The following UBE2G1 variants were observed in gnomAD, a reference collection of about 807,000 sequenced individuals.
The protein encoded by UBE2G1 is ubiquitin conjugating enzyme E2 G1.
UBE2G1 carries 5 observed loss-of-function variants against 22.7 expected under a neutral mutation model. The observed-to-expected ratio is 0.22, with a 90% CI of 0.12 to 0.46. UBE2G1 has a LOEUF of 0.46. UBE2G1 is among the 20% of genes least tolerant of loss of function. The probability of loss-of-function intolerance (pLI) is 0.99; values close to 1 mark genes in which losing one functional copy is unlikely to be tolerated. For synonymous variants in UBE2G1, 74 were observed against 67.5 expected, an observed-to-expected ratio of 1.10 and a Z score of -0.47; for missense variants, 88 against 203.9, an observed-to-expected ratio of 0.43 and a Z score of 3.46.
chr17:4,285,782 T>A (rs1968955987), intron 4 of UBE2G1, among the ~76,000 whole-genome samples: 1 of 151,882 alleles, frequency 6.6e-6, no homozygotes. Context: ...AAACCCCATC[T>A]CTACTAAAAA....
At chr17:4,348,691 A>G (rs1025219037) in intron 1 of UBE2G1, among the ~76,000 whole-genome samples, 14 of 144,750 alleles carry the variant, frequency 9.7e-5, no homozygotes, top group Admixed American at 9.6e-4. Flanking sequence ...GTGACACCCC[A>G]CCACTACTAA....
chr17:4,342,457 G>A (rs1969722363), intron 1 of UBE2G1, among the ~76,000 whole-genome samples: 1 of 152,228 alleles, frequency 6.6e-6, no homozygotes, highest in Admixed American at 6.5e-5. Flanking sequence ...GTCAGGCGCA[G>A]TGGTGCATGC....
chr17:4,312,557 G>T (rs1284772420), intron 1 of UBE2G1, among the ~76,000 whole-genome samples: 5 of 151,814 alleles, frequency 3.3e-5, no homozygotes, highest in African/African-American at 7.2e-5. Flanking sequence ...TTAGCCGGGC[G>T]TGGTGGCGGG....
At chr17:4,355,969 G>C (rs1368378758) in intron 1 of UBE2G1, among the ~76,000 whole-genome samples, 1 of 147,146 alleles carries the variant, frequency 6.8e-6, no homozygotes, top group African/African-American at 2.5e-5. Context: ...CAAAGTACTG[G>C]GATTACAGAC....
At chr17:4,331,316 A>G (rs747283264) in intron 1 of UBE2G1, among the ~76,000 whole-genome samples, 1 of 152,220 alleles carries the variant, frequency 6.6e-6, no homozygotes, top group Non-Finnish European at 1.5e-5. Flanking sequence ...CAGAAGCACT[A>G]ATTATAATTT....
At chr17:4,305,944 C>T (rs186473930) in intron 2 of UBE2G1, among the ~76,000 whole-genome samples, 13 of 152,320 alleles carry the variant, frequency 8.5e-5, no homozygotes, top group East Asian at 1.9e-4. Context: ...TAGAAATGTA[C>T]GACATGAAAT....
chr17:4,283,115 T>C (rs1968914009), intron 4 of UBE2G1, among the ~76,000 whole-genome samples, 194 bp from the exon 5 acceptor site: 1 of 152,188 alleles, frequency 6.6e-6, no homozygotes, highest in South Asian at 2.1e-4. Flanking sequence ...AAATCTCCTA[T>C]GCAAATTACC....
At chr17:4,285,100 T>G (rs1968947090) in intron 4 of UBE2G1, among the ~76,000 whole-genome samples, 1 of 152,144 alleles carries the variant, frequency 6.6e-6, no homozygotes, top group African/African-American at 2.4e-5. Context: ...TGCCTCGGCC[T>G]CCCAAAGTGC....
At chr17:4,363,422 T>C (rs1969991011) in intron 1 of UBE2G1, among the ~76,000 whole-genome samples, 2 of 152,082 alleles carry the variant, frequency 1.3e-5, no homozygotes, top group African/African-American at 4.8e-5. Context: ...GTATGCCCCA[T>C]CAGAAAGTCA....
intron 5 of UBE2G1, among the ~76,000 whole-genome samples, chr17:4,282,134 G>A (rs1968900671): frequency 6.6e-6 from 1 of 152,100 alleles, no homozygotes; most frequent in Non-Finnish European, 1.5e-5. Flanking sequence ...CCAGGCTGTA[G>A]TGCCACGGTG....
intron 5 of UBE2G1, among the ~76,000 whole-genome samples, chr17:4,277,794 A>AG (rs1046573653): frequency 3.3e-5 from 5 of 151,466 alleles, no homozygotes; most frequent in Admixed American, 2.6e-4. Flanking sequence ...TGAAAACACA[A>AG]AAAATACTCA....
chr17:4,362,107 G>T (rs756019609), intron 1 of UBE2G1, among the ~76,000 whole-genome samples: 1 of 151,912 alleles, frequency 6.6e-6, no homozygotes, highest in East Asian at 1.9e-4. Context: ...AAGATAAAAT[G>T]TTTTAAAAGT....
chr17:4,312,688 T>C lies in UBE2G1; in HGVS notation c.47-5565A>G, dbSNP rs1167730935. On this transcript the variant is annotated intron_variant, in intron 1 of 5. Transcript: ENST00000396981. ...TCCAGCCTGGGCGATAGAGCAAGAC[T>C]CCATCTCAAAAAAAAAAAAAAAAAA... 1.2e-4 allele frequency among the ~76,000 whole-genome samples: 10 copies of C among 84,032 alleles called. No individual in the cohort carries two copies. The East Asian group carries it at 2.2e-3, about 19-fold the overall frequency. The allele number at this position is 84,032 out of a possible 152,430, so 55.1% of individuals were successfully genotyped here.
At chr17:4,316,938 T>TTA (rs771248927) in intron 1 of UBE2G1, among the ~76,000 whole-genome samples, 1 of 134,346 alleles carries the variant, frequency 7.4e-6, no homozygotes, top group Non-Finnish European at 1.6e-5. Context: ...GTCTCTTGAA[T>TTA]AAAAAAAAAA....
At chr17:4,277,380 G>T (rs1054040352) in intron 5 of UBE2G1, among the ~76,000 whole-genome samples, 2 of 152,184 alleles carry the variant, frequency 1.3e-5, no homozygotes, top group African/African-American at 4.8e-5. Flanking sequence ...TAGCAATAAA[G>T]AACCAATACA....
chr17:4,299,304 T>C (rs1969146434), intron 2 of UBE2G1, among the ~76,000 whole-genome samples: 3 of 151,866 alleles, frequency 2.0e-5, no homozygotes, highest in South Asian at 2.1e-4. Context: ...GAGGCTGAGG[T>C]AGGAGAATTG....
intron 3 of UBE2G1, among the ~76,000 whole-genome samples, chr17:4,291,862 C>A (rs1969045988): frequency 6.6e-6 from 1 of 152,138 alleles, no homozygotes; most frequent in African/African-American, 2.4e-5. Context: ...ATGGATATAA[C>A]CTGTATGTCC....
chr17:4,285,112 G>A (rs1968947294), intron 4 of UBE2G1, among the ~76,000 whole-genome samples: 1 of 151,978 alleles, frequency 6.6e-6, no homozygotes, highest in Non-Finnish European at 1.5e-5. Flanking sequence ...CCAAAGTGCT[G>A]GGATTACAGG....
At chr17:4,350,798 C>A (rs1395034639) in intron 1 of UBE2G1, among the ~76,000 whole-genome samples, 1 of 151,564 alleles carries the variant, frequency 6.6e-6, no homozygotes, top group Non-Finnish European at 1.5e-5. Context: ...TTTGGGAGGC[C>A]GAGGAGGGCA....
Sources: gnomAD v4.1 joint callset for allele counts (sites outside exome capture counted in the v4.1 genomes callset) on GRCh38, gnomAD v4.1.1 for gene constraint, MANE v1.5 for transcripts, NCBI Gene and HGNC (gene_info 2026-07-23, HGNC 2026-07-21) for gene names.